The following KIAA0753 variants were observed in gnomAD, a reference collection of about 807,000 sequenced individuals.
KIAA0753 encodes protein moonraker.
KIAA0753 carries 114 observed loss-of-function variants against 116.9 expected under a neutral mutation model. The observed-to-expected ratio is 0.98, with a 90% CI of 0.84 to 1.14. The LOEUF (loss-of-function observed/expected upper bound fraction) is 1.14. Among genes scored for constraint, KIAA0753 ranks in the 50% most tolerant of loss-of-function variants. The probability of loss-of-function intolerance (pLI) is 0.00; values close to 1 mark genes in which losing one functional copy is unlikely to be tolerated. For synonymous variants in KIAA0753, 405 were observed against 413.1 expected (o/e 0.98, Z 0.24); for missense variants, 1,156 against 1,172.4 (o/e 0.99, Z 0.20).
chr17:6,610,808 T>C lies in KIAA0753; in HGVS notation c.1546-648A>G, dbSNP rs1230127921. Among the ~76,000 whole-genome samples the C allele has an allele frequency of 2.0e-5, 3 of 152,076 alleles. 1 individual carries two copies. Among genetic ancestry groups the C allele is most frequent in the Non-Finnish European group, 4.4e-5 (3 of 68,008 alleles). On this transcript the variant is annotated intron_variant, in intron 8 of 18. Transcript: ENST00000361413. ...ATACTTAACCTCTCTGGGCCTTAGG[T>C]CTAAATAGAATGAATCTAGCGATTT... is the stretch of plus-strand genomic sequence containing the variant.
rs1017084559 is a variant in KIAA0753, at chr17:6,598,585, T to C, written c.2172+652A>G. Among the ~76,000 whole-genome samples the C allele has an allele frequency of 2.6e-5, 4 of 152,214 alleles. No homozygotes were observed. In the East Asian group the frequency reaches 7.7e-4, roughly 29 times the overall value. ...TGCTCTGGGCAATTAAAGCTATAAA[T>C]ATCTTTCCAAACTCCACAAAGATTA... is the stretch of plus-strand genomic sequence containing the variant. On this transcript the variant is annotated intron_variant, in intron 14 of 18. Coordinates refer to ENST00000361413, the MANE Select transcript of KIAA0753 (RefSeq NM_014804.3).
chr17:6,630,685 A>AG (rs1351794824), intron 2 of KIAA0753, among the ~76,000 whole-genome samples: 3 of 152,200 alleles, frequency 2.0e-5, no homozygotes, highest in African/African-American at 7.2e-5. Flanking sequence ...GTCCCCATGA[A>AG]GGAGAGTAGC....
At chr17:6,634,980 T>C (rs1031086094) in intron 2 of KIAA0753, 31 bp downstream of exon 2, 1 of 1,336,564 alleles carries the variant, frequency 7.5e-7, no homozygotes, top group African/African-American at 1.4e-5. Context: ...AAATATTTAA[T>C]AATAAAAATC....
At chr17:6,608,579 C>T (rs1032865106) in intron 9 of KIAA0753, 115 bp from the exon 10 acceptor site, 6 of 494,148 alleles carry the variant, frequency 1.2e-5, no homozygotes, top group Non-Finnish European at 2.1e-5. Context: ...TGATCTGTAG[C>T]ACGGGGCCCT....
chr17:6,600,494 G>T, intron 12 of KIAA0753, 36 bp from the exon 13 acceptor site: 2 of 1,504,714 alleles, frequency 1.3e-6, no homozygotes, highest in Non-Finnish European at 9.2e-7. Context: ...AAAATCAAAG[G>T]CAATAAAATA....
chr17:6,579,808 T>A lies in KIAA0753; in HGVS notation c.2843A>T (p.Asp948Val), dbSNP rs1243308573. The A allele has an allele frequency of 2.5e-6, 4 of 1,613,962 alleles. No homozygotes were observed. The highest frequency in any genetic ancestry group is 1.1e-5 in the South Asian group (1 of 91,082). ...ALGAVAAELQ[D>V]MCEDYAEAVF... The stretch of plus-strand genomic sequence containing the variant: ...AGCTTCTGCATAATCTTCGCACATA[T>A]CCTGAAGTTCAGCAGCCACAGCACC... Residue 948 changes from aspartate (D) to valine (V), a missense_variant, in exon 19 of 19, where the codon GAT becomes GTT. Physicochemically the swap from Asp to Val is radical, Grantham distance 152. Coordinates refer to ENST00000361413, the MANE Select transcript of KIAA0753 (RefSeq NM_014804.3).
In KIAA0753 at chr17:6,628,733, C is replaced by A. The variant is rs368784936; in HGVS notation, c.102G>T (p.Leu34=). ...GTGTAGGAACATTCCTATTAAACTG[C>A]AGCTGGTTCTTTAAAAAGCAAATAA... The part of the protein sequence containing the change: ...DPKVLQTQNQ[L]QFNRNVPTHS... Residue 34 remains leucine, a synonymous_variant, in exon 3 of 19, where the codon CTG becomes CTT. Coordinates refer to ENST00000361413, the MANE Select transcript of KIAA0753 (RefSeq NM_014804.3). 5.7e-6 allele frequency: 9 copies of A among 1,584,744 alleles called. No individual in the cohort carries two copies. Among genetic ancestry groups the A allele is most frequent in the Non-Finnish European group, 6.9e-6 (8 of 1,166,570 alleles).
At chr17:6,631,662 G>C (rs1052413623) in intron 2 of KIAA0753, among the ~76,000 whole-genome samples, 11 of 152,184 alleles carry the variant, frequency 7.2e-5, no homozygotes, top group Admixed American at 2.6e-4. Flanking sequence ...GTGCATTTAT[G>C]AATGTGTGTA....
rs369071480 is a variant in KIAA0753, at chr17:6,612,077, C to T, written c.1387G>A (p.Asp463Asn). The change falls in exon 8 of 19, where the codon GAT becomes AAT. Residue 463 changes from aspartate (D) to asparagine (N), a missense_variant. Coordinates refer to ENST00000361413, the MANE Select transcript of KIAA0753 (RefSeq NM_014804.3). ...LQSELDVLDA[D>N]IVLEEGPFIL... is the part of the protein sequence containing the mutation. ...AATGGTCCTTCTTCCAGAACTATAT[C>T]CGCATCTAATACATCAAGCTCACTC... The T allele has an allele frequency of 3.7e-6, 6 of 1,614,178 alleles. No homozygotes were observed. The highest frequency in any genetic ancestry group is 1.7e-6 in the Non-Finnish European group (2 of 1,179,994).
intron 10 of KIAA0753, 27 bp downstream of exon 10, chr17:6,608,321 A>G: frequency 8.4e-7 from 1 of 1,184,198 alleles, no homozygotes; most frequent in Non-Finnish European, 1.1e-6. Flanking sequence ...TTTAATTCTC[A>G]AAGATCTGAA....
chr17:6,592,806 T>C (rs1275228633), intron 16 of KIAA0753, among the ~76,000 whole-genome samples: 1 of 152,148 alleles, frequency 6.6e-6, no homozygotes, highest in African/African-American at 2.4e-5. Flanking sequence ...AAAGAATTGA[T>C]GTTAGACTTT....
rs559500646 is a variant in KIAA0753 at position 6,596,049 on chromosome 17, C to T, written c.2358+109G>A. On this transcript the variant is annotated intron_variant, in intron 15 of 18. Transcript: ENST00000361413. ...TTGGCAATAGAGCAGGGATTTAAAA[C>T]TGGGACTGTGTGACTCTAACAGATG... is the stretch of plus-strand genomic sequence containing the variant. 1,103 of 1,075,328 alleles carry T rather than the reference C, an allele frequency of 1.0e-3. 2 individuals are homozygous for T. Among genetic ancestry groups the T allele is most frequent in the Non-Finnish European group, 1.4e-3 (996 of 735,458 alleles). The allele number at this position is 1,075,328 out of a possible 1,614,324, so 66.6% of individuals were successfully genotyped here. A position where few individuals can be genotyped will look rare whatever the true frequency, so the allele number is the denominator to read the frequency against.
At chr17:6,583,740 T>A (rs1968366224) in intron 18 of KIAA0753, among the ~76,000 whole-genome samples, 2 of 152,358 alleles carry the variant, frequency 1.3e-5, no homozygotes, top group South Asian at 4.1e-4. Flanking sequence ...TTCTAATTCA[T>A]GTCTTTTATT....
chr17:6,586,424 T>A (rs1968581485), intron 18 of KIAA0753, among the ~76,000 whole-genome samples: 1 of 152,226 alleles, frequency 6.6e-6, no homozygotes, highest in Non-Finnish European at 1.5e-5. Context: ...ATAAACTTGG[T>A]TCTTGCCTTC....
intron 14 of KIAA0753, among the ~76,000 whole-genome samples, chr17:6,598,274 C>CAT (rs1403549382): frequency 6.6e-6 from 1 of 152,112 alleles, no homozygotes; most frequent in Non-Finnish European, 1.5e-5. Flanking sequence ...AACACCAAGC[C>CAT]ATAACAGCTG....
At chr17:6,612,750 C>G (rs1167023868) in intron 7 of KIAA0753, among the ~76,000 whole-genome samples, 2 of 152,154 alleles carry the variant, frequency 1.3e-5, no homozygotes, top group African/African-American at 4.8e-5. Flanking sequence ...CACCTATAAT[C>G]CCAGCTACTC....
chr17:6,611,891 G>A, intron 8 of KIAA0753, 28 bp downstream of exon 8: 1 of 1,587,836 alleles, frequency 6.3e-7, no homozygotes, highest in Non-Finnish European at 8.6e-7. Context: ...TAACACAAAT[G>A]GGCCAAAAGA....
chr17:6,631,032 C>T (rs1391898117), intron 2 of KIAA0753, among the ~76,000 whole-genome samples: 3 of 151,858 alleles, frequency 2.0e-5, no homozygotes, highest in Non-Finnish European at 4.4e-5. Flanking sequence ...CTGAATATAC[C>T]TTTTTGTATA....
chr17:6,609,867 G>T, intron 9 of KIAA0753, 127 bp downstream of exon 9: 1 of 1,041,882 alleles, frequency 9.6e-7, no homozygotes, highest in Admixed American at 2.3e-5. Flanking sequence ...CCCAAAAAAG[G>T]ATTTCTGCTT....
Sources: allele counts gnomAD v4.1 joint callset (sites outside exome capture counted in the v4.1 genomes callset), GRCh38; gene constraint gnomAD v4.1.1; transcripts MANE v1.5; gene names NCBI Gene and HGNC (gene_info 2026-07-23, HGNC 2026-07-21).